LRRC69: variants seen among roughly 807,000 people sequenced by gnomAD.
LRRC69 encodes the protein leucine rich repeat containing 69, also known as leucine-rich repeat-containing protein 69.
In LRRC69, 42 loss-of-function variants were observed where a neutral mutation model predicts 37.8. The ratio of observed to expected loss-of-function variants is 1.11; its 90% CI spans 0.87 to 1.44. The LOEUF (loss-of-function observed/expected upper bound fraction) is 1.44, where lower values mean the gene tolerates loss of function less well. LRRC69 is among the 40% of genes most tolerant of loss of function. The pLI, the probability that LRRC69 is intolerant of heterozygous loss-of-function variation, is 0.00. For synonymous variants in LRRC69, 141 were observed against 143.1 expected (o/e 0.99, Z 0.11); for missense variants, 357 against 401.9 (o/e 0.89, Z 0.96).
At chr8:91,153,573 C>T (rs1287955812) in intron 5 of LRRC69, among the ~76,000 whole-genome samples, 1 of 151,970 alleles carries the variant, frequency 6.6e-6, no homozygotes, top group African/African-American at 2.4e-5. Flanking sequence ...CTCAAAACCA[C>T]ACAACTACAT....
rs1221751429 is a variant in LRRC69, at chr8:91,201,939, C to T, written c.933+1147C>T. On this transcript the variant is annotated intron_variant, in intron 7 of 7. Transcript: ENST00000448384. ...GAGAAATTTAGGCTGGGTGCGGTGG[C>T]TCACACCTGTAATCCCAGCACTTTG... Among the ~76,000 whole-genome samples the T allele has an allele frequency of 2.0e-5, 3 of 152,118 alleles. No individual in the cohort carries two copies. The East Asian group carries it at 5.8e-4, about 29-fold the overall frequency.
intron 1 of LRRC69, among the ~76,000 whole-genome samples, chr8:91,117,636 A>T (rs1813534286): frequency 6.7e-6 from 1 of 148,330 alleles, no homozygotes; most frequent in Non-Finnish European, 1.5e-5. Context: ...ATTCAATTGC[A>T]CAAGTCCAGG....
Position 91,133,319 on chromosome 8 carries a change from G to T in LRRC69, c.579+14G>T. ...GTTTTGCCGGAGGTAAGCAAAACAT[G>T]GAACCACAGTAGTTTGCTGTTGGAG... is the stretch of plus-strand genomic sequence containing the variant. On this transcript the variant is annotated intron_variant, in intron 4 of 7. Coordinates refer to ENST00000448384, the Ensembl canonical transcript of LRRC69. 1 of 1,491,636 alleles carries T rather than the reference G, an allele frequency of 6.7e-7. No individual in the cohort carries two copies. 92.4% of individuals were successfully genotyped at this position (1,491,636 alleles called of 1,614,324 possible). A position where few individuals can be genotyped will look rare whatever the true frequency, so the allele number is the denominator to read the frequency against.
At chr8:91,184,908 A>G (rs1809380338) in intron 5 of LRRC69, among the ~76,000 whole-genome samples, 1 of 152,228 alleles carries the variant, frequency 6.6e-6, no homozygotes, top group South Asian at 2.1e-4. Flanking sequence ...TGCAGAATCC[A>G]AATCATAACC....
intron 5 of LRRC69, among the ~76,000 whole-genome samples, chr8:91,142,174 C>A (rs1226348556): frequency 1.3e-5 from 2 of 151,908 alleles, no homozygotes; most frequent in Non-Finnish European, 2.9e-5. Context: ...GATGACCTGA[C>A]AAAAGCAAGA....
intron 1 of LRRC69, among the ~76,000 whole-genome samples, chr8:91,114,397 C>A (rs1563593480): frequency 6.6e-6 from 1 of 151,620 alleles, no homozygotes; most frequent in Admixed American, 6.6e-5. Context: ...ATGGGAACAA[C>A]CAAAATGTCC....
At chr8:91,165,867 G>A (rs961038734) in intron 5 of LRRC69, among the ~76,000 whole-genome samples, 1 of 151,728 alleles carries the variant, frequency 6.6e-6, no homozygotes, top group Non-Finnish European at 1.5e-5. Flanking sequence ...CCCTGAGTTG[G>A]CTGTAGAAGA....
chr8:91,200,845 G>T, intron 7 of LRRC69, 53 bp downstream of exon 7: 1 of 1,419,114 alleles, frequency 7.0e-7, no homozygotes, highest in South Asian at 1.5e-5. Context: ...CCTATCCTTT[G>T]TTCTTATCTA....
intron 1 of LRRC69, among the ~76,000 whole-genome samples, chr8:91,108,199 G>T (rs960557916): frequency 6.6e-6 from 1 of 152,012 alleles, no homozygotes; most frequent in Non-Finnish European, 1.5e-5. Flanking sequence ...ACTCTAACCA[G>T]ATTTGAGTAG....
intron 1 of LRRC69, among the ~76,000 whole-genome samples, chr8:91,116,819 TGGTC>T (rs1307955615): frequency 6.6e-6 from 1 of 152,040 alleles, no homozygotes; most frequent in Non-Finnish European, 1.5e-5. Flanking sequence ...ATTTAAGTAT[TGGTC>T]AGTATTGTCA....
chr8:91,109,485 A>T (rs775664626), intron 1 of LRRC69, among the ~76,000 whole-genome samples: 2 of 152,052 alleles, frequency 1.3e-5, no homozygotes, highest in African/African-American at 4.8e-5. Context: ...AAGATTTTAC[A>T]TTTTAATTGA....
chr8:91,218,418 G>A (rs1810096344), intron 7 of LRRC69, among the ~76,000 whole-genome samples: 1 of 152,084 alleles, frequency 6.6e-6, no homozygotes, highest in South Asian at 2.1e-4. Flanking sequence ...CCCAGCCAGT[G>A]AAGATCTTAA....
At chr8:91,138,475 TAA>T (rs370989425) in intron 5 of LRRC69, among the ~76,000 whole-genome samples, 35 of 151,882 alleles carry the variant, frequency 2.3e-4, no homozygotes, top group African/African-American at 8.0e-4. Context: ...GGTATTTATT[TAA>T]GAGTGTTTTG....
intron 7 of LRRC69, among the ~76,000 whole-genome samples, chr8:91,202,956 G>T (rs1378339993): frequency 6.6e-6 from 1 of 152,206 alleles, no homozygotes; most frequent in Non-Finnish European, 1.5e-5. Flanking sequence ...CTTGGAGAAA[G>T]AAGTGATAAG....
intron 5 of LRRC69, among the ~76,000 whole-genome samples, chr8:91,179,116 A>C (rs1809281663): frequency 6.6e-6 from 1 of 152,228 alleles, no homozygotes; most frequent in South Asian, 2.1e-4. Flanking sequence ...AAGTCATTGC[A>C]CTTAAACAGT....
At chr8:91,211,612 A>T (rs1384233757) in intron 7 of LRRC69, among the ~76,000 whole-genome samples, 188 of 135,324 alleles carry the variant, frequency 1.4e-3, no homozygotes, top group African/African-American at 4.1e-3. Context: ...ATATATATAT[A>T]TATATTTTTT....
chr8:91,196,202 C>G lies in LRRC69; in HGVS notation c.754-4411C>G, dbSNP rs1468035324. On this transcript the variant is annotated intron_variant, in intron 6 of 7. Transcript: ENST00000448384. ...CTCTCTTCTGGCTTGTAGGGTTTCT[C>G]CCGAGAGATCTGCTGTTAGTCTGAT... 1.5e-3 allele frequency among the ~76,000 whole-genome samples: 230 copies of G among 151,548 alleles called. 1 individual carries two copies. Among genetic ancestry groups the G allele is most frequent in the Non-Finnish European group, 2.7e-3 (181 of 67,998 alleles).
chr8:91,183,613 G>A (rs750092843), intron 5 of LRRC69, among the ~76,000 whole-genome samples: 30 of 149,358 alleles, frequency 2.0e-4, no homozygotes, highest in Non-Finnish European at 4.2e-4. Flanking sequence ...ATGAATATGG[G>A]TAAAAAAAAA....
chr8:91,175,655 A>G (rs753994376), intron 5 of LRRC69, among the ~76,000 whole-genome samples: 2 of 152,080 alleles, frequency 1.3e-5, no homozygotes, highest in African/African-American at 2.4e-5. Context: ...TAAAATCTGC[A>G]TATGACAGGG....
Sources: allele counts gnomAD v4.1 joint callset (sites outside exome capture counted in the v4.1 genomes callset), GRCh38; gene constraint gnomAD v4.1.1; transcripts MANE v1.5; gene names NCBI Gene and HGNC (gene_info 2026-07-23, HGNC 2026-07-21).